The following PRKCB variants were observed in gnomAD, a reference collection of about 807,000 sequenced individuals.
PRKCB encodes the protein protein kinase C beta.
In PRKCB, 13 loss-of-function variants were observed where a neutral mutation model predicts 81.5. The ratio of observed to expected loss-of-function variants is 0.16; its 90% confidence interval spans 0.10 to 0.25. The LOEUF (loss-of-function observed/expected upper bound fraction) is 0.25, where lower values mean the gene tolerates loss of function less well. Among genes scored for constraint, PRKCB ranks in the 10% least tolerant of loss-of-function variants. The probability of loss-of-function intolerance (pLI) is 1.00; values close to 1 mark genes in which losing one functional copy is unlikely to be tolerated. For missense variants in PRKCB, 509 were observed against 875.7 expected, an observed-to-expected ratio of 0.58 and a Z score of 5.29; for synonymous variants, 335 against 321.4, an observed-to-expected ratio of 1.04 and a Z score of -0.45.
At chr16:23,917,729 T>C (rs1963763378) in intron 2 of PRKCB, among the ~76,000 whole-genome samples, 1 of 152,200 alleles carries the variant, frequency 6.6e-6, no homozygotes, top group African/African-American at 2.4e-5. Flanking sequence ...TCATTTCTAC[T>C]TGGTTGAGGA....
chr16:23,955,750 T>A (rs1964341210), intron 2 of PRKCB, among the ~76,000 whole-genome samples: 1 of 152,192 alleles, frequency 6.6e-6, no homozygotes, highest in African/African-American at 2.4e-5. Flanking sequence ...ACTTCTGTCC[T>A]GAACTGCCCA....
At chr16:24,100,795 A>T (rs1966497039) in intron 7 of PRKCB, among the ~76,000 whole-genome samples, 1 of 152,208 alleles carries the variant, frequency 6.6e-6, no homozygotes, top group African/African-American at 2.4e-5. Context: ...GGAGTTTATT[A>T]CTCAAATCAG....
intron 2 of PRKCB, among the ~76,000 whole-genome samples, chr16:23,932,606 A>C (rs901166070): frequency 5.9e-5 from 9 of 152,232 alleles, no homozygotes; most frequent in Non-Finnish European, 7.3e-5. Context: ...GACTGGAAGG[A>C]TCAGGCATCT....
intron 5 of PRKCB, among the ~76,000 whole-genome samples, chr16:24,085,309 C>T (rs959642707): frequency 2.6e-5 from 4 of 152,180 alleles, no homozygotes; most frequent in South Asian, 2.1e-4. Context: ...GACTTCACGT[C>T]GTCTATTATT....
intron 2 of PRKCB, among the ~76,000 whole-genome samples, chr16:23,846,153 A>G (rs904607475): frequency 1.3e-5 from 2 of 152,242 alleles, no homozygotes; most frequent in African/African-American, 4.8e-5. Context: ...TTATAGAGAA[A>G]GGACTTTTGT....
intron 2 of PRKCB, among the ~76,000 whole-genome samples, chr16:23,982,701 T>C (rs930923802): frequency 6.6e-6 from 1 of 152,072 alleles, no homozygotes; most frequent in African/African-American, 2.4e-5. Flanking sequence ...AGTGCTAGGA[T>C]TATAGGTGTG....
At chr16:23,842,480 C>T (rs1341358811) in intron 2 of PRKCB, among the ~76,000 whole-genome samples, 1 of 152,146 alleles carries the variant, frequency 6.6e-6, no homozygotes. Context: ...AGTTTCTCTT[C>T]TTGGGTATAT....
intron 5 of PRKCB, among the ~76,000 whole-genome samples, chr16:24,069,315 T>A (rs1177014254): frequency 2.0e-5 from 3 of 152,234 alleles, no homozygotes; most frequent in Non-Finnish European, 4.4e-5. Context: ...CAGAACAGCC[T>A]GTTTTTAAAT....
chr16:24,124,084 T>A, intron 9 of PRKCB, 103 bp downstream of exon 9: 1 of 1,347,076 alleles, frequency 7.4e-7, no homozygotes. Context: ...GGAGAGAGAG[T>A]AAGAAGTAAA....
chr16:23,958,683 TTTC>T lies in PRKCB; in HGVS notation c.206-29814_206-29812del, dbSNP rs546584646. ...TGTTAGCTATTATTGGCTACTGTTA[TTTC>T]TTCTTCTTCTCCTCCTCCTCTTCTT... is the stretch of plus-strand genomic sequence containing the variant. On this transcript the variant is annotated intron_variant, in intron 2 of 16. Coordinates refer to ENST00000643927, the MANE Select transcript of PRKCB (RefSeq NM_002738.7). 6.4e-3 allele frequency among the ~76,000 whole-genome samples: 534 copies of T among 83,580 alleles called. 2 individuals carry two copies. The highest frequency in any genetic ancestry group is 0.012 in the Admixed American group (82 of 6,918). 54.8% of individuals were successfully genotyped at this position (83,580 alleles called of 152,430 possible). A position where few individuals can be genotyped will look rare whatever the true frequency, so the allele number is the denominator to read the frequency against.
intron 2 of PRKCB, among the ~76,000 whole-genome samples, chr16:23,937,893 T>A (rs1964084542): frequency 6.6e-6 from 1 of 152,156 alleles, no homozygotes; most frequent in Non-Finnish European, 1.5e-5. Flanking sequence ...AATTGAACGT[T>A]CAGTTGTGTG....
At chr16:23,844,648 C>A (rs1962334079) in intron 2 of PRKCB, among the ~76,000 whole-genome samples, 1 of 151,938 alleles carries the variant, frequency 6.6e-6, no homozygotes, top group African/African-American at 2.4e-5. Context: ...GCTGGGACTA[C>A]AGGCGCCCAC....
intron 5 of PRKCB, among the ~76,000 whole-genome samples, chr16:24,051,414 G>C (rs150111351): frequency 8.7e-4 from 132 of 152,308 alleles, no homozygotes; most frequent in African/African-American, 3.1e-3. Context: ...CAGAGTGTAA[G>C]AGCCCCATGA....
chr16:24,062,847 C>T (rs976757306), intron 5 of PRKCB, among the ~76,000 whole-genome samples: 4 of 151,970 alleles, frequency 2.6e-5, no homozygotes, highest in Non-Finnish European at 4.4e-5. Context: ...TTGCATCCCT[C>T]ACCTCCCCCA....
At chr16:24,043,423 T>C (rs576007108) in intron 5 of PRKCB, among the ~76,000 whole-genome samples, 1 of 152,322 alleles carries the variant, frequency 6.6e-6, no homozygotes, top group Non-Finnish European at 1.5e-5. Context: ...TTTTGCTTTT[T>C]TTTTAGTATT....
intron 9 of PRKCB, among the ~76,000 whole-genome samples, chr16:24,128,095 G>A (rs1274861139): frequency 1.6e-5 from 2 of 123,448 alleles, no homozygotes; most frequent in Non-Finnish European, 3.4e-5. Context: ...AAACCCTAAT[G>A]GCCAGGTGCG....
chr16:23,897,926 T>A (rs1207451051), intron 2 of PRKCB, among the ~76,000 whole-genome samples: 1 of 151,902 alleles, frequency 6.6e-6, no homozygotes. Flanking sequence ...TGCAATGGAG[T>A]CTTGCTCTGT....
At chr16:23,984,967 G>A (rs1964784146) in intron 2 of PRKCB, among the ~76,000 whole-genome samples, 1 of 152,018 alleles carries the variant, frequency 6.6e-6, no homozygotes, top group Admixed American at 6.6e-5. Flanking sequence ...GGGGTAATAC[G>A]GTTTTCTATC....
At chr16:24,097,651 G>C (rs1966461163) in intron 7 of PRKCB, among the ~76,000 whole-genome samples, 1 of 152,172 alleles carries the variant, frequency 6.6e-6, no homozygotes, top group Non-Finnish European at 1.5e-5. Context: ...TGATGACATG[G>C]GCCCAAGGTG....
Sources: gnomAD v4.1 joint callset for allele counts (sites outside exome capture counted in the v4.1 genomes callset) on GRCh38, gnomAD v4.1.1 for gene constraint, MANE v1.5 for transcripts, NCBI Gene and HGNC (gene_info 2026-07-23, HGNC 2026-07-21) for gene names.